KIAA1549: variants seen among roughly 807,000 people sequenced by gnomAD.
KIAA1549 encodes the protein KIAA1549, also known as UPF0606 protein KIAA1549.
In KIAA1549, 70 loss-of-function variants were observed where a neutral mutation model predicts 156.4. The observed-to-expected ratio is 0.45, with a 90% CI of 0.37 to 0.55. The LOEUF is 0.55. KIAA1549 is among the 20% of genes least tolerant of loss of function. KIAA1549 has a pLI of 0.00. For missense variants in KIAA1549, 2,428 were observed against 2,540.9 expected, an observed-to-expected ratio of 0.96 and a Z score of 0.96; for synonymous variants, 1,103 against 1,066.4, an observed-to-expected ratio of 1.03 and a Z score of -0.67.
At chr7:138,860,225 G>A (rs2130364383) in intron 16 of KIAA1549, among the ~76,000 whole-genome samples, 1 of 152,302 alleles carries the variant, frequency 6.6e-6, no homozygotes, top group Non-Finnish European at 1.5e-5. Flanking sequence ...TGATTAGATT[G>A]AATGGTACTC....
chr7:138,911,201 G>A lies in KIAA1549; in HGVS notation c.3090C>T (p.Ile1030=). ...SKLVRDQTPL[I]LSVKPSFLVP... is the part of the protein sequence containing the mutation. ...CAAGGAAAGAAGGTTTCACAGACAGGATTAAAGGAGTCTGGTCACGGACAA... is the reference window on the plus strand; with the variant it reads ...CAAGGAAAGAAGGTTTCACAGACAGAATTAAAGGAGTCTGGTCACGGACAA... Residue 1030 remains isoleucine, a synonymous_variant, in exon 4 of 20, where the codon ATC becomes ATT. Transcript: ENST00000422774. The A allele has an allele frequency of 6.3e-7, 1 of 1,599,026 alleles. No homozygotes were observed. The highest frequency in any genetic ancestry group is 1.7e-5 in the Admixed American group (1 of 58,222).
At chr7:138,857,202 C>G (rs775098377) in intron 16 of KIAA1549, among the ~76,000 whole-genome samples, 11 of 152,132 alleles carry the variant, frequency 7.2e-5, no homozygotes, top group Admixed American at 3.3e-4. Context: ...CCCCCTCACT[C>G]TCTCCATACA....
intron 1 of KIAA1549, among the ~76,000 whole-genome samples, chr7:138,970,079 T>C (rs1306004195): frequency 1.3e-5 from 2 of 152,218 alleles, no homozygotes; most frequent in Admixed American, 1.3e-4. Context: ...CTTAACTCTT[T>C]TCCTTTTTTA....
intron 1 of KIAA1549, among the ~76,000 whole-genome samples, chr7:138,954,517 A>T (rs953943908): frequency 6.6e-6 from 1 of 152,168 alleles, no homozygotes; most frequent in Non-Finnish European, 1.5e-5. Flanking sequence ...GCTCTCTACG[A>T]TAGCCTGGGA....
In KIAA1549 at chr7:138,933,506, G is replaced by A. The variant is rs77589401; in HGVS notation, c.188-14068C>T. On this transcript the variant is annotated intron_variant, in intron 1 of 19. Transcript: ENST00000422774. Reference sequence around the variant, plus strand: ...CTCCAGAACAGAAGTGGAAGAACTGGTGAAACCCTGTAAAGTCTGTAGTTT... The same window carrying A: ...CTCCAGAACAGAAGTGGAAGAACTGATGAAACCCTGTAAAGTCTGTAGTTT... 7.7e-3 allele frequency among the ~76,000 whole-genome samples: 1,174 copies of A among 152,352 alleles called. 5 individuals are homozygous for A. The highest frequency in any genetic ancestry group is 0.012 in the Non-Finnish European group (847 of 68,028).
At chr7:138,857,421 G>T (rs1810425977) in intron 16 of KIAA1549, among the ~76,000 whole-genome samples, 1 of 152,160 alleles carries the variant, frequency 6.6e-6, no homozygotes, top group Non-Finnish European at 1.5e-5. Flanking sequence ...ACAAGTCTTT[G>T]TATGAAAATA....
At position 138,871,450 on chromosome 7, in the gene KIAA1549, T is replaced by C. The variant is rs79803821; in HGVS notation, c.4346-88A>G. 2,670 of 1,219,740 alleles carry C rather than the reference T, an allele frequency of 2.2e-3. 42 individuals carry two copies. In the African/African-American group the frequency reaches 0.035, roughly 16 times the overall value. 75.6% of individuals were successfully genotyped at this position (1,219,740 alleles called of 1,614,324 possible). ...AAATTGTGAATTATTCTTTAAAGAATCTTTGGATGGGCCTCTGACCAAAAA... is the reference window on the plus strand; with the variant it reads ...AAATTGTGAATTATTCTTTAAAGAACCTTTGGATGGGCCTCTGACCAAAAA... On this transcript the variant is annotated intron_variant, in intron 12 of 19. Transcript: ENST00000422774.
intron 1 of KIAA1549, among the ~76,000 whole-genome samples, chr7:138,929,439 T>A (rs1373220836): frequency 6.6e-6 from 1 of 152,234 alleles, no homozygotes; most frequent in Non-Finnish European, 1.5e-5. Flanking sequence ...CTTCATTCCA[T>A]CTGCAGTGAC....
chr7:138,959,153 G>A (rs1276423097), intron 1 of KIAA1549, among the ~76,000 whole-genome samples: 1 of 152,128 alleles, frequency 6.6e-6, no homozygotes, highest in Non-Finnish European at 1.5e-5. Context: ...ACCTGCCTCG[G>A]CCTCCCAAAG....
intron 16 of KIAA1549, among the ~76,000 whole-genome samples, chr7:138,855,111 G>A (rs563185713): frequency 9.2e-5 from 14 of 152,148 alleles, no homozygotes; most frequent in Non-Finnish European, 1.6e-4. Context: ...GTGAAGGGGA[G>A]GGAGGGGGAA....
intron 10 of KIAA1549, among the ~76,000 whole-genome samples, chr7:138,893,001 G>A (rs933028497): frequency 6.6e-6 from 1 of 152,128 alleles, no homozygotes; most frequent in Non-Finnish European, 1.5e-5. Flanking sequence ...CCACTCCCTT[G>A]GTAAACACGC....
intron 1 of KIAA1549, among the ~76,000 whole-genome samples, chr7:138,923,384 T>C (rs1812616574): frequency 6.6e-6 from 1 of 152,178 alleles, no homozygotes; most frequent in Non-Finnish European, 1.5e-5. Context: ...GTGGATCACC[T>C]GAGGTCAGGA....
rs1161137338 is a variant in KIAA1549 at position 138,840,097 on chromosome 7, A to G, written c.5598+36T>C. 7 of 1,534,554 alleles carry G rather than the reference A, an allele frequency of 4.6e-6. No homozygotes were observed. In the Admixed American group the frequency reaches 6.0e-5, roughly 13 times the overall value. The stretch of plus-strand genomic sequence containing the variant: ...GAGCCACCGCACCTGGCCTATGTCT[A>G]AATTTTAAATGATGACCCAAACAGG... On this transcript the variant is annotated intron_variant, in intron 19 of 19. Transcript: ENST00000422774.
chr7:138,951,014 G>T (rs1813481470), intron 1 of KIAA1549, among the ~76,000 whole-genome samples: 1 of 151,974 alleles, frequency 6.6e-6, no homozygotes, highest in Admixed American at 6.6e-5. Context: ...CCAAGGTCAG[G>T]CCCGCCCTAA....
chr7:138,945,968 A>G (rs1372586349), intron 1 of KIAA1549, among the ~76,000 whole-genome samples: 2 of 152,114 alleles, frequency 1.3e-5, no homozygotes, highest in African/African-American at 4.8e-5. Context: ...AGGAAGCTTG[A>G]AAAGCAGTAT....
chr7:138,979,403 A>G (rs1334372972), intron 1 of KIAA1549, among the ~76,000 whole-genome samples: 3 of 152,250 alleles, frequency 2.0e-5, no homozygotes, highest in Non-Finnish European at 4.4e-5. Flanking sequence ...CATCAGGCAC[A>G]GAAAGGAAGC....
intron 1 of KIAA1549, among the ~76,000 whole-genome samples, chr7:138,976,099 T>C (rs1814369761): frequency 6.6e-6 from 1 of 152,236 alleles, no homozygotes; most frequent in Non-Finnish European, 1.5e-5. Flanking sequence ...TATTTTGAGA[T>C]GGAGTCTTGC....
chr7:138,952,298 A>G (rs1318230827), intron 1 of KIAA1549, among the ~76,000 whole-genome samples: 4 of 152,236 alleles, frequency 2.6e-5, no homozygotes, highest in African/African-American at 9.6e-5. Context: ...TATTAATAAC[A>G]TGGCCTAGAA....
chr7:138,974,310 T>C (rs563035662), intron 1 of KIAA1549, among the ~76,000 whole-genome samples: 55 of 151,268 alleles, frequency 3.6e-4, no homozygotes, highest in Non-Finnish European at 7.7e-4. Context: ...AGGTGGAGGG[T>C]GGCGGTGGTC....
Sources: gnomAD v4.1 joint callset for allele counts (sites outside exome capture counted in the v4.1 genomes callset) on GRCh38, gnomAD v4.1.1 for gene constraint, MANE v1.5 for transcripts, NCBI Gene and HGNC (gene_info 2026-07-23, HGNC 2026-07-21) for gene names.